The following MACROH2A2 variants were observed in gnomAD, a reference collection of about 807,000 sequenced individuals.
MACROH2A2 encodes the protein core histone macro-H2A.2.
In MACROH2A2, 6 loss-of-function variants were observed where a neutral mutation model predicts 37.6. The observed-to-expected ratio is 0.16, with a 90% confidence interval of 0.09 to 0.32. MACROH2A2 has a LOEUF of 0.32. MACROH2A2 is among the 10% of genes least tolerant of loss of function. MACROH2A2 has a pLI of 1.00. For missense variants in MACROH2A2, 290 were observed against 485.9 expected (o/e 0.60, Z 3.79); for synonymous variants, 192 against 202.7 (o/e 0.95, Z 0.45).
intron 2 of MACROH2A2, among the ~76,000 whole-genome samples, chr10:70,088,716 C>T (rs1205248952): frequency 2.0e-5 from 3 of 152,212 alleles, no homozygotes; most frequent in Non-Finnish European, 4.4e-5. Context: ...ATTCACTTTT[C>T]GGGTTAACCA....
At chr10:70,065,034 CTT>C (rs539062819) in intron 1 of MACROH2A2, among the ~76,000 whole-genome samples, 4 of 138,792 alleles carry the variant, frequency 2.9e-5, no homozygotes, top group Non-Finnish European at 4.7e-5. Flanking sequence ...TTTTTTTTTT[CTT>C]TTTTTTTTTT....
intron 4 of MACROH2A2, among the ~76,000 whole-genome samples, chr10:70,092,279 G>C (rs1474156731): frequency 6.6e-6 from 1 of 151,886 alleles, no homozygotes; most frequent in Non-Finnish European, 1.5e-5. Context: ...TGAGAAACAA[G>C]TTTCTGGGCC....
At chr10:70,091,183 G>A (rs1320910367) in intron 3 of MACROH2A2, among the ~76,000 whole-genome samples, 1 of 152,212 alleles carries the variant, frequency 6.6e-6, no homozygotes, top group Non-Finnish European at 1.5e-5. Flanking sequence ...GAATTCCAGA[G>A]CCCTGGGCAA....
At chr10:70,059,557 G>C (rs945386503) in intron 1 of MACROH2A2, among the ~76,000 whole-genome samples, 1 of 152,024 alleles carries the variant, frequency 6.6e-6, no homozygotes, top group Admixed American at 6.6e-5. Flanking sequence ...TTTTAGTAGA[G>C]ACAGAGTTTC....
chr10:70,063,002 AAACT>A (rs1294765229), intron 1 of MACROH2A2, among the ~76,000 whole-genome samples: 1 of 152,104 alleles, frequency 6.6e-6, no homozygotes, highest in African/African-American at 2.4e-5. Context: ...AATTTAACAA[AAACT>A]AAATAAATAA....
chr10:70,098,279 AGAG>A (rs887713534), intron 6 of MACROH2A2: 7 of 132,504 alleles, frequency 5.3e-5, no homozygotes, highest in Non-Finnish European at 8.0e-5. Flanking sequence ...AAAGAAAAAG[AGAG>A]AGAGAGAGGG....
Position 70,091,854 on chromosome 10 carries a change from C to G in MACROH2A2, c.377C>G (p.Thr126Arg), listed in dbSNP as rs756338712. The change falls in exon 4 of 9, where the codon ACG (threonine) becomes AGG (arginine). Residue 126 changes from threonine to arginine, a missense_variant. Thr to Arg is a moderately conservative substitution (Grantham distance 71). This residue lies in a region of MACROH2A2 where 77 missense variants were observed against 68.9 expected (regional missense o/e 1.12). Coordinates refer to ENST00000373255, the MANE Select transcript of MACROH2A2 (RefSeq NM_018649.3). ...KKRGTKGKSE[T>R]ILSPPPEKRG... ...CGAGGGACCAAAGGCAAGTCGGAAA[C>G]GATCCTCTCCCCACCCCCAGAGAAA... is the stretch of plus-strand genomic sequence containing the variant. The G allele has an allele frequency of 6.2e-7, 1 of 1,613,792 alleles. No individual in the cohort carries two copies. Among genetic ancestry groups the G allele is most frequent in the Non-Finnish European group, 8.5e-7 (1 of 1,179,932 alleles).
At chr10:70,098,351 A>AGGAAGGAAGGGAAGGTAG (rs1406618813) in intron 6 of MACROH2A2, 1 of 137,938 alleles carries the variant, frequency 7.2e-6, no homozygotes, top group Non-Finnish European at 1.6e-5. Flanking sequence ...AGAGAGAGAA[A>AGGAAGGAAGGGAAGGTAG]GGAAGGAAGG....
intron 7 of MACROH2A2, among the ~76,000 whole-genome samples, chr10:70,100,942 T>C (rs1017516927): frequency 5.3e-5 from 8 of 152,122 alleles, no homozygotes; most frequent in Non-Finnish European, 2.9e-5. Context: ...AAGCGTATAA[T>C]TCAGTGGCAT....
chr10:70,069,297 G>A (rs914410385), intron 1 of MACROH2A2, among the ~76,000 whole-genome samples: 6 of 152,124 alleles, frequency 3.9e-5, no homozygotes, highest in African/African-American at 7.2e-5. Flanking sequence ...CTGGGGGTTC[G>A]GGGGAACGAG....
chr10:70,069,263 G>T (rs955586165), intron 1 of MACROH2A2, among the ~76,000 whole-genome samples: 1 of 152,144 alleles, frequency 6.6e-6, no homozygotes, highest in African/African-American at 2.4e-5. Flanking sequence ...CAAGACCAAC[G>T]ATGTGCTTCC....
intron 8 of MACROH2A2, among the ~76,000 whole-genome samples, chr10:70,110,613 G>A (rs928968943): frequency 6.6e-6 from 1 of 152,166 alleles, no homozygotes; most frequent in Non-Finnish European, 1.5e-5. Context: ...AGCTGGCACG[G>A]TGGCTCACGC....
At position 70,075,888 on chromosome 10, in the gene MACROH2A2, C is replaced by A; in HGVS notation, c.172+58C>A. On this transcript the variant is annotated intron_variant, in intron 2 of 8. Transcript: ENST00000373255. The surrounding 1 kb of genome is among the most constrained non-coding windows in gnomAD (Gnocchi z 5.0). ...CCCAGGTCCCCACCCTCCCCTGGGT[C>A]CCCCTCGCAGGCTGGGGAGGGATGC... 1 of 1,440,520 alleles carries A rather than the reference C, an allele frequency of 6.9e-7. No individual in the cohort carries two copies. Among genetic ancestry groups the A allele is most frequent in the Non-Finnish European group, 9.6e-7 (1 of 1,038,738 alleles). 89.2% of individuals were successfully genotyped at this position (1,440,520 alleles called of 1,614,324 possible).
chr10:70,057,997 C>T (rs2072027991), intron 1 of MACROH2A2, among the ~76,000 whole-genome samples: 1 of 152,164 alleles, frequency 6.6e-6, no homozygotes, highest in Non-Finnish European at 1.5e-5. Context: ...TCCTTATGCC[C>T]ACGTGGTAAG....
intron 7 of MACROH2A2, among the ~76,000 whole-genome samples, chr10:70,108,123 A>C (rs2136644607): frequency 6.6e-6 from 1 of 152,196 alleles, no homozygotes; most frequent in South Asian, 2.1e-4. Flanking sequence ...CACTAGAATC[A>C]CTTGAACCCA....
chr10:70,080,650 G>A (rs1022980640), intron 2 of MACROH2A2, among the ~76,000 whole-genome samples: 2 of 151,684 alleles, frequency 1.3e-5, no homozygotes, highest in Admixed American at 6.6e-5. Context: ...GGGAGATCAA[G>A]GCGAGTGGAT....
chr10:70,111,742 C>T lies in MACROH2A2; in HGVS notation c.*59C>T. 2 of 1,447,298 alleles carry T rather than the reference C, an allele frequency of 1.4e-6. No individual in the cohort carries two copies. Among genetic ancestry groups the T allele is most frequent in the Non-Finnish European group, 1.8e-6 (2 of 1,086,334 alleles). The allele number at this position is 1,447,298 out of a possible 1,614,324, so 89.7% of individuals were successfully genotyped here. ...CCCGAGTCCCAAGAGTGGGGTTTTGCTTTTTAAAAGGAGAGAGGAGGGGTG... is the reference window on the plus strand; with the variant it reads ...CCCGAGTCCCAAGAGTGGGGTTTTGTTTTTTAAAAGGAGAGAGGAGGGGTG... On this transcript the variant is annotated 3_prime_UTR_variant, in exon 9 of 9. Transcript: ENST00000373255.
chr10:70,111,620 G>A lies in MACROH2A2; in HGVS notation c.1056G>A (p.Leu352=), dbSNP rs566968240. Residue 352 remains leucine, a synonymous_variant, in exon 9 of 9, where the codon CTG becomes CTA. Transcript: ENST00000373255. ...SASSLKNVYF[L]LFDSESIGIY... is the part of the protein sequence containing the mutation. ...CCTCGCTGAAGAACGTGTACTTCCT[G>A]CTCTTCGACAGCGAGAGCATCGGCA... 1 of 1,613,532 alleles carries A rather than the reference G, an allele frequency of 6.2e-7. No individual in the cohort carries two copies. Among genetic ancestry groups the A allele is most frequent in the Admixed American group, 1.7e-5 (1 of 59,914 alleles).
At chr10:70,060,784 C>T (rs750571510) in intron 1 of MACROH2A2, among the ~76,000 whole-genome samples, 11 of 152,098 alleles carry the variant, frequency 7.2e-5, no homozygotes, top group Non-Finnish European at 1.5e-4. Context: ...GATAGTTTAA[C>T]CACTGTTATA....
Sources: allele counts gnomAD v4.1 joint callset (sites outside exome capture counted in the v4.1 genomes callset), GRCh38; gene constraint gnomAD v4.1.1; regional missense constraint gnomAD v4.1.1; non-coding constraint Gnocchi (gnomAD v3.1); transcripts MANE v1.5; gene names NCBI Gene and HGNC (gene_info 2026-07-23, HGNC 2026-07-21).